The following KRT2 variants were observed in gnomAD, a reference collection of about 807,000 sequenced individuals.
The protein encoded by KRT2 is keratin 2.
A neutral mutation model predicts 48.5 loss-of-function variants in KRT2; 37 were observed. The ratio of observed to expected loss-of-function variants is 0.76; its 90% CI spans 0.59 to 1.00. KRT2 has a LOEUF of 1.00. Among genes scored for constraint, KRT2 ranks in the 50% least tolerant of loss-of-function variants. KRT2 has a pLI of 0.00. For missense variants in KRT2, 880 were observed against 815.2 expected (o/e 1.08, Z -0.97); for synonymous variants, 324 against 312.2 (o/e 1.04, Z -0.40).
intron 2 of KRT2, 122 bp downstream of exon 2, chr12:52,650,217 A>G (rs2120951843): frequency 3.3e-6 from 3 of 896,858 alleles, no homozygotes; most frequent in African/African-American, 1.6e-5. Flanking sequence ...ATCAACAAAG[A>G]TACATATGCC....
At chr12:52,646,378 A>G (rs979544256) in intron 7 of KRT2, among the ~76,000 whole-genome samples, 3 of 152,198 alleles carry the variant, frequency 2.0e-5, no homozygotes, top group African/African-American at 7.2e-5. Flanking sequence ...ATTCTGGGTC[A>G]CCCGGTGGAG....
chr12:52,644,965 T>C lies in KRT2; in HGVS notation c.*54A>G. On this transcript the variant is annotated 3_prime_UTR_variant, in exon 9 of 9. Coordinates refer to ENST00000309680, the MANE Select transcript of KRT2 (RefSeq NM_000423.3). ...AGAGGTACAGAGACAGGCTTCTACA[T>C]TCTGGAGTGGGAGAGTCTGGGTTGG... 6.3e-7 allele frequency: 1 copy of C among 1,599,364 alleles called. No homozygotes were observed. The highest frequency in any genetic ancestry group is 8.6e-7 in the Non-Finnish European group (1 of 1,166,862).
intron 8 of KRT2, 32 bp downstream of exon 8, chr12:52,645,503 C>T: frequency 1.2e-6 from 2 of 1,614,072 alleles, no homozygotes. Context: ...GACACAACAC[C>T]CCATGGAACA....
chr12:52,648,424 G>A (rs933625136), intron 4 of KRT2, 87 bp from the exon 5 acceptor site: 27 of 1,122,714 alleles, frequency 2.4e-5, no homozygotes, highest in Non-Finnish European at 3.3e-5. Flanking sequence ...TAAGGGAAAC[G>A]CAGACCCTCA....
Position 52,649,884 on chromosome 12 carries a change from C to T in KRT2, c.861+30G>A, listed in dbSNP as rs1941222590. The T allele has an allele frequency of 1.9e-6, 3 of 1,586,112 alleles. No individual in the cohort carries two copies. In the South Asian group the frequency reaches 3.3e-5, roughly 18 times the overall value. ...TGGGGCTGTGAAGCACTCCTATCCC[C>T]ACCCCCAGCCAAGACATTCTCTCGC... On this transcript the variant is annotated intron_variant, in intron 3 of 8. Transcript: ENST00000309680.
chr12:52,645,144 C>T lies in KRT2; in HGVS notation c.1795G>A (p.Gly599Arg), dbSNP rs142717399. Reference sequence around the variant, plus strand: ...CTGGAGCCTCCTCTAGAGCCACCTCCAGAGCTGTGTTTTCCACCTCCAGAG... The same window carrying T: ...CTGGAGCCTCCTCTAGAGCCACCTCTAGAGCTGTGTTTTCCACCTCCAGAG... ...YGSGGGKHSS[G>R]GGSRGGSSSG... The change falls in exon 9 of 9, where the codon GGA becomes AGA. Residue 599 changes from glycine to arginine, a missense_variant. Physicochemically the swap from Gly to Arg is moderately radical, Grantham distance 125. Transcript: ENST00000309680. 2.5e-6 allele frequency: 4 copies of T among 1,613,816 alleles called. No homozygotes were observed. The African/African-American group carries it at 5.3e-5, about 22-fold the overall frequency.
Position 52,644,832 on chromosome 12 carries a change from CT to C in KRT2, c.*186del, listed in dbSNP as rs1409116059. On this transcript the variant is annotated 3_prime_UTR_variant, in exon 9 of 9. Transcript: ENST00000309680. The stretch of plus-strand genomic sequence containing the variant: ...CCAGAACACAGAGGCGTCACTGGCT[CT>C]AACTAACTGGTTTGGAGAGAAGATC... The C allele has an allele frequency of 1.5e-6, 1 of 655,164 alleles. No homozygotes were observed. The highest frequency in any genetic ancestry group is 2.2e-5 in the African/African-American group (1 of 46,258). The allele number at this position is 655,164 out of a possible 1,614,324, so 40.6% of individuals were successfully genotyped here.
intron 2 of KRT2, 41 bp downstream of exon 2, chr12:52,650,298 G>A (rs1005980052): frequency 1.3e-6 from 2 of 1,543,158 alleles, no homozygotes; most frequent in Non-Finnish European, 1.8e-6. Context: ...ATGGCTCAGT[G>A]CAATGTTTAT....
At chr12:52,647,444 A>G (rs915769826) in intron 6 of KRT2, among the ~76,000 whole-genome samples, 2 of 152,202 alleles carry the variant, frequency 1.3e-5, no homozygotes, top group Non-Finnish European at 2.9e-5. Context: ...AAATCAATCA[A>G]ACTAACGTTT....
At position 52,646,723 on chromosome 12, in the gene KRT2, C is replaced by T. The variant is rs758770278; in HGVS notation, c.1469+17G>A. On this transcript the variant is annotated intron_variant, in intron 7 of 8. Transcript: ENST00000309680. ...AGGAAGGGCCAGGGTCCCCTTCTCC[C>T]TTCCCAGTGCCCTCACCTGCACTCC... is the stretch of plus-strand genomic sequence containing the variant. 3.7e-6 allele frequency: 6 copies of T among 1,613,662 alleles called. No homozygotes were observed. The highest frequency in any genetic ancestry group is 1.7e-5 in the Admixed American group (1 of 60,010).
At position 52,651,831 on chromosome 12, in the gene KRT2, A is replaced by ACCCCCAAAGCCGCTGCCG. The variant is rs1555169863; in HGVS notation, c.311_312insCGGCAGCGGCTTTGGGGG (p.Gly103_Phe108dup). On this transcript the variant is annotated inframe_insertion, in exon 1 of 9. Coordinates refer to ENST00000309680, the MANE Select transcript of KRT2 (RefSeq NM_000423.3). ...AACCACCACCACTGAAGCCGCTGCC[A>ACCCCCAAAGCCGCTGCCG]CCTCCAAAGCTGCTGCCGCCTCCAA... 1 of 1,116,446 alleles carries ACCCCCAAAGCCGCTGCCG rather than the reference A, an allele frequency of 9.0e-7. No homozygotes were observed. The allele number at this position is 1,116,446 out of a possible 1,614,324, so 69.2% of individuals were successfully genotyped here.
chr12:52,645,677 C>A, intron 7 of KRT2, 108 bp from the exon 8 acceptor site: 1 of 1,126,340 alleles, frequency 8.9e-7, no homozygotes, highest in African/African-American at 1.5e-5. Flanking sequence ...CTCTAAGCAG[C>A]CACCAGGGCT....
In KRT2 at chr12:52,649,914, CT is replaced by C; in HGVS notation, c.860del (p.Lys287ArgfsTer8). The C allele has an allele frequency of 1.2e-6, 2 of 1,612,846 alleles. No individual in the cohort carries two copies. Among genetic ancestry groups the C allele is most frequent in the East Asian group, 2.2e-5 (1 of 44,868 alleles). On this transcript the variant is annotated frameshift_variant and splice_region_variant, in exon 3 of 9. Coordinates refer to ENST00000309680, the MANE Select transcript of KRT2 (RefSeq NM_000423.3). LOFTEE classifies it high-confidence loss of function. ...AAENDFVTLK[K>X]DVDNAYMIKV... ...CCAGCCAAGACATTCTCTCGCTCAC[CT>C]TTTTAAGCGTCACAAAATCATTCTC... is the stretch of plus-strand genomic sequence containing the variant.
At position 52,645,193 on chromosome 12, in the gene KRT2, C is replaced by A. The variant is rs762504170; in HGVS notation, c.1746G>T (p.Gly582=). 2 of 1,613,692 alleles carry A rather than the reference C, an allele frequency of 1.2e-6. No individual in the cohort carries two copies. The highest frequency in any genetic ancestry group is 3.3e-5 in the Admixed American group (2 of 59,972). ...AGCCATATCCTCCTCCAGAGATGGA[C>A]CCTCCCTTAGAGCCACCACCAGATC... The part of the protein sequence containing the change: ...RYGSGGGSKG[G]SISGGGYGSG... The change falls in exon 9 of 9, where the codon GGG becomes GGT. Residue 582 remains glycine (G), a synonymous_variant. Coordinates refer to ENST00000309680, the MANE Select transcript of KRT2 (RefSeq NM_000423.3).
intron 1 of KRT2, 38 bp downstream of exon 1, chr12:52,651,520 G>C: frequency 6.9e-7 from 1 of 1,443,138 alleles, no homozygotes; most frequent in Non-Finnish European, 9.8e-7. Context: ...AAGTGAAGTG[G>C]CCTGAGCATC....
In KRT2 at chr12:52,648,232, G is replaced by T. The variant is rs753631122; in HGVS notation, c.1063C>A (p.Gln355Lys). Reference sequence around the variant, plus strand: ...CTCCTCTGGGCGATCTCCTCATACTGGGCCTTGACCTCGGCGATGATGCTA... The same window carrying T: ...CTCCTCTGGGCGATCTCCTCATACTTGGCCTTGACCTCGGCGATGATGCTA... ...LDSIIAEVKAQYEEIAQRSKE... is the reference protein window; with the variant it reads ...LDSIIAEVKAKYEEIAQRSKE... The change falls in exon 5 of 9, where the codon CAG (glutamine) becomes AAG (lysine). Residue 355 changes from glutamine (Q) to lysine (K), a missense_variant. By Grantham distance (53) the Gln-to-Lys change is moderately conservative. Coordinates refer to ENST00000309680, the MANE Select transcript of KRT2 (RefSeq NM_000423.3). 1 of 1,614,094 alleles carries T rather than the reference G, an allele frequency of 6.2e-7. No individual in the cohort carries two copies. The highest frequency in any genetic ancestry group is 8.5e-7 in the Non-Finnish European group (1 of 1,180,004).
At position 52,652,073 on chromosome 12, in the gene KRT2, T is replaced by A. The variant is rs910875953; in HGVS notation, c.70A>T (p.Ser24Cys). ...CCACCAGACACCACAGCTGAGCCGC[T>A]GCTGAAGCCCCGGAATCCTCCTCCA... ...GGGGGFRGFS[S>C]GSAVVSGGSR... The change falls in exon 1 of 9, where the codon AGC becomes TGC. Residue 24 changes from serine to cysteine, a missense_variant. Coordinates refer to ENST00000309680, the MANE Select transcript of KRT2 (RefSeq NM_000423.3). 1 of 1,600,380 alleles carries A rather than the reference T, an allele frequency of 6.2e-7. No homozygotes were observed. The highest frequency in any genetic ancestry group is 1.1e-5 in the South Asian group (1 of 90,618).
Position 52,651,761 on chromosome 12 carries a change from C to T in KRT2, c.382G>A (p.Gly128Ser). Residue 128 changes from glycine to serine, a missense_variant, in exon 1 of 9, where the codon GGC becomes AGC. By Grantham distance (56) the Gly-to-Ser change is moderately conservative. Coordinates refer to ENST00000309680, the MANE Select transcript of KRT2 (RefSeq NM_000423.3). ...FGGGRFGGFG[G>S]PGGVGGLGGP... ...CCTAAACCTCCAACACCACCAGGGCCCCCAAAACCTCCAAAGCGGCCTCCA... is the reference window on the plus strand; with the variant it reads ...CCTAAACCTCCAACACCACCAGGGCTCCCAAAACCTCCAAAGCGGCCTCCA... The T allele has an allele frequency of 6.2e-7, 1 of 1,613,818 alleles. No homozygotes were observed. Among genetic ancestry groups the T allele is most frequent in the Non-Finnish European group, 8.5e-7 (1 of 1,179,854 alleles).
In KRT2 at chr12:52,644,954, A is replaced by C. The variant is rs1422814368; in HGVS notation, c.*65T>G. Reference sequence around the variant, plus strand: ...TGCTGCCAGTTAGAGGTACAGAGACAGGCTTCTACATTCTGGAGTGGGAGA... The same window carrying C: ...TGCTGCCAGTTAGAGGTACAGAGACCGGCTTCTACATTCTGGAGTGGGAGA... On this transcript the variant is annotated 3_prime_UTR_variant, in exon 9 of 9. Transcript: ENST00000309680. 6.4e-7 allele frequency: 1 copy of C among 1,571,662 alleles called. No individual in the cohort carries two copies. The highest frequency in any genetic ancestry group is 8.7e-7 in the Non-Finnish European group (1 of 1,142,884).
Sources: allele counts gnomAD v4.1 joint callset (sites outside exome capture counted in the v4.1 genomes callset), GRCh38; gene constraint gnomAD v4.1.1; transcripts MANE v1.5; gene names NCBI Gene and HGNC (gene_info 2026-07-23, HGNC 2026-07-21).